PIAS4: variants seen among roughly 807,000 people sequenced by gnomAD.
PIAS4 encodes protein inhibitor of activated STAT 4.
PIAS4 carries 7 observed loss-of-function variants against 58.0 expected under a neutral mutation model. The ratio of observed to expected loss-of-function variants is 0.12; its 90% CI spans 0.07 to 0.23. The LOEUF (loss-of-function observed/expected upper bound fraction) is 0.23. Ranked by LOEUF, PIAS4 falls within the 10% of genes least tolerant of loss-of-function variation. PIAS4 has a pLI of 1.00. For missense variants in PIAS4, 550 were observed against 709.5 expected (o/e 0.78, Z 2.55); for synonymous variants, 364 against 312.4 (o/e 1.17, Z -1.74).
intron 2 of PIAS4, among the ~76,000 whole-genome samples, chr19:4,019,364 G>A (rs771510902): frequency 9.9e-5 from 15 of 152,280 alleles, no homozygotes; most frequent in Non-Finnish European, 1.6e-4. Context: ...AGAGGGAGGA[G>A]CCCTCCCAGG....
intron 1 of PIAS4, among the ~76,000 whole-genome samples, chr19:4,011,536 G>A (rs531637379): frequency 6.6e-6 from 1 of 152,392 alleles, no homozygotes; most frequent in East Asian, 1.9e-4. Flanking sequence ...GTCCTGCCAA[G>A]CCTCATTTGT....
rs776386279 is a variant in PIAS4 at position 4,024,070 on chromosome 19, G to A, written c.489G>A (p.Pro163=). Reference sequence around the variant, plus strand: ...ACAACGAGAAGCTTCAGGAGAGCCCGTGCATCTTCGCATTGACGCCAAGAC... The same window carrying A: ...ACAACGAGAAGCTTCAGGAGAGCCCATGCATCTTCGCATTGACGCCAAGAC... ...PQNNEKLQES[P]CIFALTPRQV... Residue 163 remains proline (P), a synonymous_variant, in exon 3 of 11, where the codon CCG becomes CCA. Coordinates refer to ENST00000262971, the MANE Select transcript of PIAS4 (RefSeq NM_015897.4). 38 of 1,613,908 alleles carry A rather than the reference G, an allele frequency of 2.4e-5. No individual in the cohort carries two copies. Among genetic ancestry groups the A allele is most frequent in the East Asian group, 4.5e-5 (2 of 44,888 alleles).
At chr19:4,025,805 G>A (rs983137393) in intron 3 of PIAS4, among the ~76,000 whole-genome samples, 1 of 152,172 alleles carries the variant, frequency 6.6e-6, no homozygotes, top group African/African-American at 2.4e-5. Flanking sequence ...TGGGCACGGT[G>A]GCTCACAACT....
chr19:4,010,548 C>T (rs2039982840), intron 1 of PIAS4, among the ~76,000 whole-genome samples: 1 of 152,228 alleles, frequency 6.6e-6, no homozygotes. Context: ...TCAAAGCATC[C>T]CTGACTCTCA....
chr19:4,036,948 T>A lies in PIAS4; in HGVS notation c.1143-426T>A, dbSNP rs571473143. ...TGCTCACACACACACATTCATAGAC[T>A]CCACACATGCACACGTGCACACACA... On this transcript the variant is annotated intron_variant, in intron 9 of 10. Transcript: ENST00000262971. Among the ~76,000 whole-genome samples, 4 of 151,644 alleles carry A rather than the reference T, an allele frequency of 2.6e-5. No homozygotes were observed. In the East Asian group the frequency reaches 5.8e-4, roughly 22 times the overall value.
chr19:4,008,630 G>T (rs184884180), intron 1 of PIAS4, among the ~76,000 whole-genome samples: 2 of 151,868 alleles, frequency 1.3e-5, no homozygotes, highest in Non-Finnish European at 2.9e-5. Context: ...GTCCTACCTC[G>T]TTCCTCTCGG....
chr19:4,033,298 C>A (rs1412967866), intron 8 of PIAS4, 122 bp from the exon 9 acceptor site: 1 of 1,325,658 alleles, frequency 7.5e-7, no homozygotes, highest in Non-Finnish European at 1.0e-6. Context: ...GTCTTCGTCC[C>A]CTCCGTGTTC....
At position 4,013,494 on chromosome 19, in the gene PIAS4, C is replaced by A. The variant is rs1413576720; in HGVS notation, c.454+145C>A. On this transcript the variant is annotated intron_variant, in intron 2 of 10. Coordinates refer to ENST00000262971, the MANE Select transcript of PIAS4 (RefSeq NM_015897.4). The surrounding 1 kb of genome is among the most constrained non-coding windows in gnomAD (Gnocchi z 5.1). ...AGCCACAGTGGCCAGGGGTGTCCTT[C>A]CTCGGAAGCAAAGGGACCATCTTTG... 1.5e-6 allele frequency: 1 copy of A among 682,472 alleles called. No individual in the cohort carries two copies. The highest frequency in any genetic ancestry group is 2.7e-5 in the East Asian group (1 of 36,950). The allele number at this position is 682,472 out of a possible 1,614,324, so 42.3% of individuals were successfully genotyped here.
chr19:4,027,493 T>C (rs1396795153), intron 3 of PIAS4, among the ~76,000 whole-genome samples: 1 of 151,968 alleles, frequency 6.6e-6, no homozygotes, highest in South Asian at 2.1e-4. Context: ...GATGCGTCTT[T>C]GGGTAGATAG....
At position 4,013,228 on chromosome 19, in the gene PIAS4, C is replaced by T; in HGVS notation, c.333C>T (p.Leu111=). ...GCCCCAATATTGACTACCCCGTGCT[C>T]TACGGAAAGTACTTAAACGGACTGG... is the stretch of plus-strand genomic sequence containing the variant. ...LAGPNIDYPV[L]YGKYLNGLGR... is the part of the protein sequence containing the mutation. The change falls in exon 2 of 11, where the codon CTC becomes CTT. Residue 111 remains leucine, a synonymous_variant. Transcript: ENST00000262971. This position sits in a 1 kb window ranked among gnomAD's most constrained non-coding sequence, Gnocchi z 5.1. 1 of 1,613,576 alleles carries T rather than the reference C, an allele frequency of 6.2e-7. No individual in the cohort carries two copies. Among genetic ancestry groups the T allele is most frequent in the Non-Finnish European group, 8.5e-7 (1 of 1,180,030 alleles).
chr19:4,037,320 G>A lies in PIAS4; in HGVS notation c.1143-54G>A. On this transcript the variant is annotated intron_variant, in intron 9 of 10. Transcript: ENST00000262971. The surrounding 1 kb of genome is among the most constrained non-coding windows in gnomAD (Gnocchi z 5.8). ...TCCGGGAGGGATGGAGGGCTGGGGA[G>A]TTGGGGGGGTGGGGCACCTCCAGCC... 1.3e-6 allele frequency: 2 copies of A among 1,538,318 alleles called. No homozygotes were observed. The highest frequency in any genetic ancestry group is 1.8e-6 in the Non-Finnish European group (2 of 1,139,158).
In PIAS4 at chr19:4,013,371, G is replaced by A. The variant is rs1449728446; in HGVS notation, c.454+22G>A. On this transcript the variant is annotated intron_variant, in intron 2 of 10. Coordinates refer to ENST00000262971, the MANE Select transcript of PIAS4 (RefSeq NM_015897.4). The surrounding 1 kb of genome is among the most constrained non-coding windows in gnomAD (Gnocchi z 5.1). ...TTAGGTGAGTGGTCACCCTGGGGAG[G>A]CTGCGACTGGAGGCTTCACCTAGGC... 6.3e-7 allele frequency: 1 copy of A among 1,593,470 alleles called. No individual in the cohort carries two copies.
chr19:4,028,710 C>CT lies in PIAS4; in HGVS notation c.673-9dup. On this transcript the variant is annotated splice_polypyrimidine_tract_variant and intron_variant, in intron 5 of 10. Transcript: ENST00000262971. Reference sequence around the variant, plus strand: ...CTTGGCTCGAGGCTGAGCGGCCCATCTGCTTGCAGGGCTACTACCCCTCCA... The same window carrying CT: ...CTTGGCTCGAGGCTGAGCGGCCCATCTTGCTTGCAGGGCTACTACCCCTCCA... The CT allele has an allele frequency of 6.2e-7, 1 of 1,605,970 alleles. No individual in the cohort carries two copies. Among genetic ancestry groups the CT allele is most frequent in the Non-Finnish European group, 8.5e-7 (1 of 1,175,074 alleles).
At chr19:4,016,727 G>A (rs111666896) in intron 2 of PIAS4, among the ~76,000 whole-genome samples, 3 of 152,322 alleles carry the variant, frequency 2.0e-5, no homozygotes, top group African/African-American at 4.8e-5. Context: ...GCAGGGGAGC[G>A]TATTCCAGGC....
chr19:4,013,537 C>A lies in PIAS4; in HGVS notation c.454+188C>A, dbSNP rs1317300145. Among the ~76,000 whole-genome samples, 1 of 152,192 alleles carries A rather than the reference C, an allele frequency of 6.6e-6. No homozygotes were observed. The highest frequency in any genetic ancestry group is 2.4e-5 in the African/African-American group (1 of 41,458). On this transcript the variant is annotated intron_variant, in intron 2 of 10. Coordinates refer to ENST00000262971, the MANE Select transcript of PIAS4 (RefSeq NM_015897.4). The surrounding 1 kb of genome is among the most constrained non-coding windows in gnomAD (Gnocchi z 5.1). Reference sequence around the variant, plus strand: ...CATCTTTGATATTGGTCACCCCTTGCTGTGTTACAAGTTACCCCGAAATGG... The same window carrying A: ...CATCTTTGATATTGGTCACCCCTTGATGTGTTACAAGTTACCCCGAAATGG...
chr19:4,028,724 A>G lies in PIAS4; in HGVS notation c.677A>G (p.Tyr226Cys). The change falls in exon 6 of 11, where the codon TAC becomes TGC. Residue 226 changes from tyrosine to cysteine, a missense_variant. Coordinates refer to ENST00000262971, the MANE Select transcript of PIAS4 (RefSeq NM_015897.4). Reference sequence around the variant, plus strand: ...GAGCGGCCCATCTGCTTGCAGGGCTACTACCCCTCCAATAAGCCCGGGGTG... The same window carrying G: ...GAGCGGCCCATCTGCTTGCAGGGCTGCTACCCCTCCAATAAGCCCGGGGTG... The part of the protein sequence containing the change: ...VNHSYCSVPG[Y>C]YPSNKPGVEP... The G allele has an allele frequency of 1.9e-6, 3 of 1,610,318 alleles. No homozygotes were observed. Among genetic ancestry groups the G allele is most frequent in the South Asian group, 1.1e-5 (1 of 90,758 alleles).
chr19:4,033,047 C>T (rs1330097945), intron 7 of PIAS4, 53 bp from the exon 8 acceptor site: 15 of 1,438,668 alleles, frequency 1.0e-5, no homozygotes, highest in South Asian at 2.3e-5. Context: ...ATCACAGCCC[C>T]GCGCCCTGCT....
At chr19:4,029,561 T>C (rs1180067133) in intron 7 of PIAS4, among the ~76,000 whole-genome samples, 1 of 151,860 alleles carries the variant, frequency 6.6e-6, no homozygotes, top group Non-Finnish European at 1.5e-5. Context: ...CTTTTTCTTT[T>C]TTTTTTAGAG....
At chr19:4,014,702 C>A (rs1204499071) in intron 2 of PIAS4, among the ~76,000 whole-genome samples, 1 of 152,254 alleles carries the variant, frequency 6.6e-6, no homozygotes, top group Non-Finnish European at 1.5e-5. Context: ...TCCCACCCTG[C>A]TGACCCAGCA....
Sources: gnomAD v4.1 joint callset for allele counts (sites outside exome capture counted in the v4.1 genomes callset) on GRCh38, gnomAD v4.1.1 for gene constraint, Gnocchi (gnomAD v3.1) non-coding constraint, MANE v1.5 for transcripts, NCBI Gene and HGNC (gene_info 2026-07-23, HGNC 2026-07-21) for gene names.